UTRN: variants seen among roughly 807,000 people sequenced by gnomAD.
UTRN encodes utrophin.
Under a neutral mutation model 463.9 loss-of-function variants are expected in UTRN, and 283 were observed. The observed-to-expected ratio is 0.61, with a 90% CI of 0.55 to 0.67. The LOEUF is 0.67. Ranked by LOEUF, UTRN falls within the 30% of genes least tolerant of loss-of-function variation. The probability of loss-of-function intolerance (pLI) is 0.00; values close to 1 mark genes in which losing one functional copy is unlikely to be tolerated. For synonymous variants in UTRN, 1,442 were observed against 1,431.5 expected, an observed-to-expected ratio of 1.01 and a Z score of -0.17; for missense variants, 3,922 against 4,084.3, an observed-to-expected ratio of 0.96 and a Z score of 1.08.
rs147199788 is a variant in UTRN, at chr6:144,521,200, C to T, written c.5542-780C>T. ...ACTCAGGAGGCTGAGGCAGAAGAATCGCTTGAACCTGGGAGGCAGACGGTG... is the reference window on the plus strand; with the variant it reads ...ACTCAGGAGGCTGAGGCAGAAGAATTGCTTGAACCTGGGAGGCAGACGGTG... On this transcript the variant is annotated intron_variant, in intron 39 of 74. Coordinates refer to ENST00000367545, the MANE Select transcript of UTRN (RefSeq NM_007124.3). Among the ~76,000 whole-genome samples, 13 of 152,162 alleles carry T rather than the reference C, an allele frequency of 8.5e-5. No individual in the cohort carries two copies. In the East Asian group the frequency reaches 9.6e-4, roughly 11 times the overall value.
chr6:144,566,085 ACTGG>A (rs1800378535), intron 50 of UTRN, among the ~76,000 whole-genome samples: 1 of 152,158 alleles, frequency 6.6e-6, no homozygotes, highest in Non-Finnish European at 1.5e-5. Flanking sequence ...TTTGGTAAGA[ACTGG>A]AATGCATTTT....
chr6:144,811,219 T>C (rs1586669461), intron 65 of UTRN, among the ~76,000 whole-genome samples: 1 of 152,256 alleles, frequency 6.6e-6, no homozygotes, highest in Middle Eastern at 3.4e-3. Flanking sequence ...ATCAATCCTT[T>C]CCACCCCTGC....
At chr6:144,820,857 A>C (rs1242195048) in intron 65 of UTRN, 25 bp from the exon 66 acceptor site, 2 of 1,599,074 alleles carry the variant, frequency 1.3e-6, no homozygotes, top group Non-Finnish European at 1.7e-6. Context: ...TACTGAGAGA[A>C]GTGTAATTGT....
chr6:144,500,300 T>C (rs1377231768), intron 34 of UTRN, among the ~76,000 whole-genome samples: 1 of 152,230 alleles, frequency 6.6e-6, no homozygotes, highest in African/African-American at 2.4e-5. Context: ...TTTTTAATAA[T>C]AGCTATTCTA....
chr6:144,435,020 G>A (rs12202807), intron 9 of UTRN, among the ~76,000 whole-genome samples: 16,795 of 152,242 alleles, frequency 0.11, 1,256 homozygotes, highest in East Asian at 0.31. Context: ...GCAATGGGAA[G>A]GTTATTGATG....
intron 51 of UTRN, among the ~76,000 whole-genome samples, chr6:144,612,197 A>G (rs781461535): frequency 2.9e-4 from 44 of 152,306 alleles, no homozygotes; most frequent in African/African-American, 1.0e-3. Context: ...GTAGACCCCT[A>G]TCTTACACCA....
Position 144,292,267 on chromosome 6 carries a change from A to G in UTRN, c.79+360A>G, listed in dbSNP as rs73778601. On this transcript the variant is annotated intron_variant, in intron 2 of 74. Coordinates refer to ENST00000367545, the MANE Select transcript of UTRN (RefSeq NM_007124.3). Reference sequence around the variant, plus strand: ...TGTAGGAAGTGCCACAGTTTCTGGCAGGAAAGATCTTTCACAGTTTGATTT... The same window carrying G: ...TGTAGGAAGTGCCACAGTTTCTGGCGGGAAAGATCTTTCACAGTTTGATTT... Among the ~76,000 whole-genome samples the G allele has an allele frequency of 4.9e-3, 740 of 152,330 alleles. 6 individuals carry two copies. Among genetic ancestry groups the G allele is most frequent in the African/African-American group, 0.017 (701 of 41,570 alleles).
chr6:144,620,932 G>A (rs1266200970), intron 51 of UTRN, among the ~76,000 whole-genome samples: 1 of 152,178 alleles, frequency 6.6e-6, no homozygotes, highest in Non-Finnish European at 1.5e-5. Flanking sequence ...TTGGTCAGGT[G>A]TAAGTGAGGA....
At chr6:144,678,284 C>A in intron 51 of UTRN, 122 bp from the exon 52 acceptor site, 2 of 894,016 alleles carry the variant, frequency 2.2e-6, no homozygotes, top group Non-Finnish European at 1.6e-6. Context: ...ATTTTGGAAG[C>A]ACTTGAATTT....
intron 51 of UTRN, among the ~76,000 whole-genome samples, chr6:144,606,120 G>A (rs1804821137): frequency 6.6e-6 from 1 of 152,166 alleles, no homozygotes; most frequent in Admixed American, 6.5e-5. Flanking sequence ...ACAATGCAGT[G>A]ATTGGTGATC....
intron 51 of UTRN, chr6:144,583,608 A>C (rs1802187272): frequency 1.5e-6 from 1 of 685,902 alleles, no homozygotes; most frequent in Non-Finnish European, 2.7e-6. Context: ...AAGGTAACTG[A>C]GTGATTGAAA....
At position 144,750,598 on chromosome 6, in the gene UTRN, G is replaced by A. The variant is rs761130194; in HGVS notation, c.8209-1208G>A. On this transcript the variant is annotated intron_variant, in intron 55 of 74. Transcript: ENST00000367545. ...AACCTGAGGGCAAAGCTAATGGGAT[G>A]TTTACAACACCTACTACTTCTAAAT... Among the ~76,000 whole-genome samples, 10 of 152,260 alleles carry A rather than the reference G, an allele frequency of 6.6e-5. No homozygotes were observed. In the South Asian group the frequency reaches 8.3e-4, roughly 13 times the overall value.
chr6:144,662,579 C>T (rs1779983002), intron 51 of UTRN, among the ~76,000 whole-genome samples: 2 of 152,170 alleles, frequency 1.3e-5, no homozygotes, highest in South Asian at 4.1e-4. Flanking sequence ...ATTGTTCAGT[C>T]TGAAGTTTAG....
intron 51 of UTRN, among the ~76,000 whole-genome samples, chr6:144,666,226 T>C (rs1008001452): frequency 2.0e-5 from 3 of 152,210 alleles, no homozygotes; most frequent in African/African-American, 7.2e-5. Context: ...CAGTGCATCA[T>C]TGCATAGTGA....
intron 65 of UTRN, among the ~76,000 whole-genome samples, chr6:144,813,981 A>G (rs1205694609): frequency 6.6e-6 from 1 of 152,198 alleles, no homozygotes; most frequent in Non-Finnish European, 1.5e-5. Flanking sequence ...AAGGCAACAG[A>G]AATGAAAGGA....
chr6:144,319,518 T>G (rs1775496596), intron 2 of UTRN, among the ~76,000 whole-genome samples: 1 of 152,252 alleles, frequency 6.6e-6, no homozygotes, highest in Admixed American at 6.5e-5. Flanking sequence ...TAGAATCTTA[T>G]ATACCATAAG....
chr6:144,743,826 T>C (rs1278055145), intron 54 of UTRN, among the ~76,000 whole-genome samples: 1 of 152,146 alleles, frequency 6.6e-6, no homozygotes, highest in East Asian at 1.9e-4. Context: ...TTTCCTCTCT[T>C]CCTTTGTCTT....
Position 144,851,106 on chromosome 6 carries a change from G to A in UTRN, c.*109G>A, listed in dbSNP as rs1782455150. The A allele has an allele frequency of 9.5e-6, 13 of 1,369,034 alleles. No homozygotes were observed. Among genetic ancestry groups the A allele is most frequent in the Admixed American group, 5.0e-5 (3 of 59,530 alleles). The allele number at this position is 1,369,034 out of a possible 1,614,324, so 84.8% of individuals were successfully genotyped here. A position where few individuals can be genotyped will look rare whatever the true frequency, so the allele number is the denominator to read the frequency against. ...GAAGCTCCATGGCTCCTTGGCCCAC[G>A]ATGTTGAGTGCTGACTGTGTGTTCT... On this transcript the variant is annotated 3_prime_UTR_variant, in exon 75 of 75. Transcript: ENST00000367545.
chr6:144,730,684 C>T (rs1788428097), intron 54 of UTRN, among the ~76,000 whole-genome samples, 198 bp downstream of exon 54: 1 of 151,512 alleles, frequency 6.6e-6, no homozygotes, highest in Admixed American at 6.6e-5. Flanking sequence ...TTTTGTATAC[C>T]TCAATATCAA....
Sources: gnomAD v4.1 joint callset for allele counts (sites outside exome capture counted in the v4.1 genomes callset) on GRCh38, gnomAD v4.1.1 for gene constraint, MANE v1.5 for transcripts, NCBI Gene and HGNC (gene_info 2026-07-23, HGNC 2026-07-21) for gene names.